NELL1: variants seen among roughly 807,000 people sequenced by gnomAD.
The protein encoded by NELL1 is protein kinase C-binding protein NELL1.
NELL1 carries 76 observed loss-of-function variants against 107.4 expected under a neutral mutation model. The observed-to-expected ratio is 0.71, with a 90% CI of 0.59 to 0.86. The LOEUF is 0.86. Among genes scored for constraint, NELL1 ranks in the 40% least tolerant of loss-of-function variants. NELL1 has a pLI of 0.00. For synonymous variants in NELL1, 353 were observed against 341.2 expected (o/e 1.03, Z -0.38); for missense variants, 1,024 against 1,005.5 (o/e 1.02, Z -0.25).
Position 20,948,959 on chromosome 11 carries a change from T to C in NELL1, c.1171+1524T>C, listed in dbSNP as rs559273898. On this transcript the variant is annotated intron_variant, in intron 11 of 19. Coordinates refer to ENST00000357134, the MANE Select transcript of NELL1 (RefSeq NM_006157.5). ...GTAACCTCATATTTTGCTTTTTTTT[T>C]CCTATCTTTTCTGTAGCAGAGGGGT... Among the ~76,000 whole-genome samples, 162 of 152,204 alleles carry C rather than the reference T, an allele frequency of 1.1e-3. No homozygotes were observed. The South Asian group carries it at 0.011, about 11-fold the overall frequency.
chr11:20,939,559 T>G (rs1342526023), intron 10 of NELL1, among the ~76,000 whole-genome samples: 2 of 152,170 alleles, frequency 1.3e-5, no homozygotes, highest in Non-Finnish European at 2.9e-5. Flanking sequence ...GTTTGGATCA[T>G]ATGTCCAAGC....
At chr11:21,243,279 T>C (rs980704969) in intron 14 of NELL1, among the ~76,000 whole-genome samples, 5 of 152,146 alleles carry the variant, frequency 3.3e-5, no homozygotes, top group Admixed American at 1.3e-4. Context: ...ATAAAATGAA[T>C]ACTTTGCTTA....
chr11:21,253,849 A>C (rs538220506), intron 14 of NELL1, among the ~76,000 whole-genome samples: 4 of 152,168 alleles, frequency 2.6e-5, no homozygotes, highest in Admixed American at 2.0e-4. Flanking sequence ...GGCTATAAAC[A>C]AGCAAATCAA....
chr11:20,860,954 A>G (rs564034601), intron 4 of NELL1, among the ~76,000 whole-genome samples: 1 of 152,290 alleles, frequency 6.6e-6, no homozygotes, highest in East Asian at 1.9e-4. Flanking sequence ...ACATATCTCC[A>G]TCTTTAAATT....
At chr11:20,901,326 G>T (rs1849868641) in intron 5 of NELL1, among the ~76,000 whole-genome samples, 2 of 151,926 alleles carry the variant, frequency 1.3e-5, no homozygotes, top group African/African-American at 4.8e-5. Context: ...AACAAAAACT[G>T]CAATTAAATA....
At chr11:21,195,084 GA>G (rs1857124834) in intron 13 of NELL1, among the ~76,000 whole-genome samples, 3 of 151,934 alleles carry the variant, frequency 2.0e-5, no homozygotes, top group Admixed American at 6.6e-5. Context: ...TTTTCACTGG[GA>G]AAAAAATTAT....
intron 12 of NELL1, among the ~76,000 whole-genome samples, chr11:21,015,738 C>A (rs1437610553): frequency 2.6e-5 from 4 of 151,998 alleles, no homozygotes; most frequent in Non-Finnish European, 5.9e-5. Flanking sequence ...TCTGTGCTTT[C>A]CCTCTAAATG....
chr11:20,845,311 T>C (rs1848684533), intron 3 of NELL1, among the ~76,000 whole-genome samples: 1 of 152,184 alleles, frequency 6.6e-6, no homozygotes, highest in Non-Finnish European at 1.5e-5. Context: ...AAAGTGATCT[T>C]TAAGAGATCT....
chr11:20,981,565 G>T (rs1400372), intron 12 of NELL1, among the ~76,000 whole-genome samples: 95 of 152,304 alleles, frequency 6.2e-4, no homozygotes, highest in South Asian at 1.4e-3. Context: ...GAGCAGAGCA[G>T]AGCCATACTG....
At chr11:20,740,912 C>T (rs1855874809) in intron 2 of NELL1, among the ~76,000 whole-genome samples, 1 of 152,088 alleles carries the variant, frequency 6.6e-6, no homozygotes, top group Admixed American at 6.6e-5. Flanking sequence ...AGCTGGGCAC[C>T]ACCATGCCCA....
chr11:20,937,964 C>T (rs937383974), intron 10 of NELL1, 105 bp downstream of exon 10: 1 of 1,069,572 alleles, frequency 9.3e-7, no homozygotes, highest in Non-Finnish European at 1.4e-6. Flanking sequence ...TGGATAGGGC[C>T]CCGAGGGGTG....
Position 21,483,880 on chromosome 11 carries a change from C to T in NELL1, c.1646-50494C>T, listed in dbSNP as rs150199198. Among the ~76,000 whole-genome samples, 2,704 of 141,562 alleles carry T rather than the reference C, an allele frequency of 0.019. 242 individuals are homozygous for T. In the East Asian group the frequency reaches 0.27, roughly 14 times the overall value. The allele number at this position is 141,562 out of a possible 152,430, so 92.9% of individuals were successfully genotyped here. On this transcript the variant is annotated intron_variant, in intron 15 of 19. Transcript: ENST00000357134. ...ATATACATATACAAACACACACACACACACATATATATATATATATAAAAT... is the reference window on the plus strand; with the variant it reads ...ATATACATATACAAACACACACACATACACATATATATATATATATAAAAT...
intron 12 of NELL1, among the ~76,000 whole-genome samples, chr11:20,977,974 C>T (rs536866933): frequency 6.6e-6 from 1 of 152,298 alleles, no homozygotes; most frequent in African/African-American, 2.4e-5. Context: ...GGTCATCTAG[C>T]TAGTTAAGTA....
chr11:20,968,099 G>A (rs991375112), intron 12 of NELL1, among the ~76,000 whole-genome samples: 2 of 152,076 alleles, frequency 1.3e-5, no homozygotes, highest in Admixed American at 6.6e-5. Context: ...TCCTAACCAC[G>A]CTGGCTAAAT....
chr11:20,791,898 A>G (rs1019629891), intron 3 of NELL1, among the ~76,000 whole-genome samples: 3 of 152,040 alleles, frequency 2.0e-5, no homozygotes, highest in South Asian at 2.1e-4. Context: ...TATTCTGTTG[A>G]TGTAGTGTAT....
intron 14 of NELL1, among the ~76,000 whole-genome samples, chr11:21,309,756 T>C (rs1565160944): frequency 6.6e-6 from 1 of 151,894 alleles, no homozygotes; most frequent in Non-Finnish European, 1.5e-5. Context: ...AAGAGAGAGC[T>C]TGTACAGGGA....
intron 3 of NELL1, among the ~76,000 whole-genome samples, chr11:20,833,314 A>G (rs1858053192): frequency 6.6e-6 from 1 of 152,104 alleles, no homozygotes; most frequent in African/African-American, 2.4e-5. Flanking sequence ...TATTATTTAA[A>G]TGGTGCTTTT....
intron 3 of NELL1, among the ~76,000 whole-genome samples, chr11:20,786,836 G>A (rs113301933): frequency 0.02 from 3,095 of 151,550 alleles, 53 homozygotes; most frequent in Non-Finnish European, 0.031. Flanking sequence ...GTGAAACCCC[G>A]TCTCTACTAA....
intron 13 of NELL1, among the ~76,000 whole-genome samples, chr11:21,205,080 C>T (rs571131906): frequency 1.5e-4 from 23 of 152,292 alleles, no homozygotes; most frequent in Admixed American, 1.5e-3. Flanking sequence ...AGTCAGGAGA[C>T]ATGGGGGTCA....
Sources: gnomAD v4.1 joint callset for allele counts (sites outside exome capture counted in the v4.1 genomes callset) on GRCh38, gnomAD v4.1.1 for gene constraint, MANE v1.5 for transcripts, NCBI Gene and HGNC (gene_info 2026-07-23, HGNC 2026-07-21) for gene names.